NIBAN1: variants seen among roughly 807,000 people sequenced by gnomAD.
NIBAN1 encodes protein Niban 1.
A neutral mutation model predicts 75.1 loss-of-function variants in NIBAN1; 81 were observed. The ratio of observed to expected loss-of-function variants is 1.08; its 90% CI spans 0.90 to 1.30. NIBAN1 has a LOEUF of 1.30. NIBAN1 is among the 50% of genes most tolerant of loss of function. NIBAN1 has a pLI of 0.00. For synonymous variants in NIBAN1, 436 were observed against 424.8 expected, an observed-to-expected ratio of 1.03 and a Z score of -0.32; for missense variants, 1,133 against 1,128.1, an observed-to-expected ratio of 1.00 and a Z score of -0.06.
intron 1 of NIBAN1, among the ~76,000 whole-genome samples, chr1:184,903,381 G>A (rs1657003393): frequency 6.6e-6 from 1 of 152,208 alleles, no homozygotes; most frequent in Non-Finnish European, 1.5e-5. Context: ...ACTTGATATA[G>A]TTTGGATCTT....
At chr1:184,929,816 G>A (rs1657776822) in intron 1 of NIBAN1, among the ~76,000 whole-genome samples, 1 of 152,200 alleles carries the variant, frequency 6.6e-6, no homozygotes, top group African/African-American at 2.4e-5. Context: ...AAATTATCAT[G>A]AAGTTCTAGC....
chr1:184,969,752 A>G (rs1292904230), intron 1 of NIBAN1, among the ~76,000 whole-genome samples: 1 of 151,450 alleles, frequency 6.6e-6, no homozygotes, highest in East Asian at 1.9e-4. Flanking sequence ...GGCTGGTCTC[A>G]AACTTCTGGG....
chr1:184,928,211 C>G (rs904310815), intron 1 of NIBAN1, among the ~76,000 whole-genome samples: 2 of 152,162 alleles, frequency 1.3e-5, no homozygotes, highest in African/African-American at 4.8e-5. Context: ...TGTGGCTGAG[C>G]TGGTATCCAA....
chr1:184,834,382 G>C (rs1655083454), intron 5 of NIBAN1, among the ~76,000 whole-genome samples: 1 of 152,180 alleles, frequency 6.6e-6, no homozygotes, highest in Admixed American at 6.5e-5. Context: ...CCAGTAATGG[G>C]ATGGCTGGGT....
intron 1 of NIBAN1, among the ~76,000 whole-genome samples, chr1:184,939,686 T>C (rs1658043183): frequency 6.6e-6 from 1 of 152,226 alleles, no homozygotes; most frequent in South Asian, 2.1e-4. Context: ...TTTCCTGTGC[T>C]TTGCTTTCCT....
chr1:184,866,417 A>G (rs1655958713), intron 5 of NIBAN1, among the ~76,000 whole-genome samples: 2 of 152,206 alleles, frequency 1.3e-5, no homozygotes, highest in Admixed American at 1.3e-4. Context: ...AAAGATGCAG[A>G]GGGAATTGAA....
intron 9 of NIBAN1, among the ~76,000 whole-genome samples, chr1:184,810,024 G>C (rs1210455476): frequency 6.6e-6 from 1 of 152,098 alleles, no homozygotes; most frequent in African/African-American, 2.4e-5. Flanking sequence ...AGTTGCTTGA[G>C]GGGAGGAGGT....
Position 184,795,820 on chromosome 1 carries a change from G to A in NIBAN1, c.1944C>T (p.Pro648=). The stretch of plus-strand genomic sequence containing the variant: ...TAATCACCTGCTCAGTCCCATCTGG[G>A]GGTGGGCTTGGCCCAGGGAGAGAAA... The part of the protein sequence containing the change: ...ESLSLPGPSP[P]PDGTEQVIIS... The change falls in exon 14 of 14, where the codon CCC becomes CCT. Residue 648 remains proline (P), a synonymous_variant. Transcript: ENST00000367511. 1 of 1,609,722 alleles carries A rather than the reference G, an allele frequency of 6.2e-7. No individual in the cohort carries two copies. Among genetic ancestry groups the A allele is most frequent in the Non-Finnish European group, 8.5e-7 (1 of 1,177,454 alleles).
intron 1 of NIBAN1, among the ~76,000 whole-genome samples, chr1:184,954,369 G>C (rs1007676261): frequency 2.6e-5 from 4 of 152,158 alleles, no homozygotes; most frequent in African/African-American, 9.7e-5. Context: ...GAAATACTAG[G>C]TTTTCATATC....
At chr1:184,816,831 CAAAATTGAG>C (rs1450180273) in intron 9 of NIBAN1, among the ~76,000 whole-genome samples, 1 of 149,290 alleles carries the variant, frequency 6.7e-6, no homozygotes, top group African/African-American at 2.5e-5. Context: ...GTCATTTTCT[CAAAATTGAG>C]AAAATGACCA....
At chr1:184,898,649 AG>A (rs1435158283) in intron 2 of NIBAN1, among the ~76,000 whole-genome samples, 1 of 152,178 alleles carries the variant, frequency 6.6e-6, no homozygotes, top group African/African-American at 2.4e-5. Context: ...ATTTCTTTTT[AG>A]CATTTATTAT....
chr1:184,956,036 T>TGTTTG (rs59034353), intron 1 of NIBAN1, among the ~76,000 whole-genome samples: 12 of 144,766 alleles, frequency 8.3e-5, no homozygotes, highest in Admixed American at 2.1e-4. Flanking sequence ...TTTGTTTGTT[T>TGTTTG]TTTTTTTTTA....
At chr1:184,875,602 T>C (rs987062244) in intron 5 of NIBAN1, among the ~76,000 whole-genome samples, 6 of 152,180 alleles carry the variant, frequency 3.9e-5, no homozygotes, top group Admixed American at 1.3e-4. Flanking sequence ...ATACCATCAC[T>C]TCTGCCACAG....
In NIBAN1 at chr1:184,818,723, C is replaced by G. The variant is rs1159340332; in HGVS notation, c.1088G>C (p.Ser363Thr). 1.9e-6 allele frequency: 3 copies of G among 1,613,696 alleles called. No homozygotes were observed. The South Asian group carries it at 3.3e-5, about 18-fold the overall frequency. The change falls in exon 9 of 14, where the codon AGT becomes ACT. Residue 363 changes from serine (S) to threonine (T), a missense_variant. Transcript: ENST00000367511. ...TTTCTCAAAGAGTACACGTACTTCA[C>G]TGAATCCCGAGCTCACTGGTCCCAT... ...ELMGPVSSGF[S>T]EVRVLFEKEV...
At chr1:184,922,886 C>A (rs923064073) in intron 1 of NIBAN1, among the ~76,000 whole-genome samples, 1 of 152,146 alleles carries the variant, frequency 6.6e-6, no homozygotes, top group Non-Finnish European at 1.5e-5. Context: ...GGATTACAGA[C>A]GTGAGTTAAA....
At chr1:184,853,497 T>C (rs1287902425) in intron 5 of NIBAN1, among the ~76,000 whole-genome samples, 1 of 152,242 alleles carries the variant, frequency 6.6e-6, no homozygotes, top group Non-Finnish European at 1.5e-5. Context: ...CAAATGAGTC[T>C]GATGTTCCAC....
intron 2 of NIBAN1, 32 bp from the exon 3 acceptor site, chr1:184,894,238 A>G: frequency 6.4e-7 from 1 of 1,563,838 alleles, no homozygotes; most frequent in Non-Finnish European, 8.6e-7. Flanking sequence ...TAACTATCAC[A>G]ACAAAAGATA....
chr1:184,963,927 C>T (rs1223451803), intron 1 of NIBAN1, among the ~76,000 whole-genome samples: 1 of 152,116 alleles, frequency 6.6e-6, no homozygotes, highest in African/African-American at 2.4e-5. Context: ...ATAGCCTACA[C>T]CTTCTGACAA....
intron 9 of NIBAN1, among the ~76,000 whole-genome samples, chr1:184,817,730 A>G (rs1214781756): frequency 2.0e-5 from 3 of 152,238 alleles, no homozygotes; most frequent in African/African-American, 7.2e-5. Flanking sequence ...AATGCAAACT[A>G]ACTATGGCCT....
Sources: gnomAD v4.1 joint callset for allele counts (sites outside exome capture counted in the v4.1 genomes callset) on GRCh38, gnomAD v4.1.1 for gene constraint, MANE v1.5 for transcripts, NCBI Gene and HGNC (gene_info 2026-07-23, HGNC 2026-07-21) for gene names.